CFAP299: variants seen among roughly 807,000 people sequenced by gnomAD.
The protein encoded by CFAP299 is cilia and flagella associated protein 299.
CFAP299 carries 21 observed loss-of-function variants against 27.0 expected under a neutral mutation model. The observed-to-expected ratio is 0.78, with a 90% CI of 0.55 to 1.12. The LOEUF is 1.12. Ranked by LOEUF, CFAP299 falls within the 50% of genes most tolerant of loss-of-function variation. The pLI, the probability that CFAP299 is intolerant of heterozygous loss-of-function variation, is 0.00. For missense variants in CFAP299, 310 were observed against 276.6 expected, an observed-to-expected ratio of 1.12 and a Z score of -0.86; for synonymous variants, 104 against 98.1, an observed-to-expected ratio of 1.06 and a Z score of -0.36.
intron 3 of CFAP299, among the ~76,000 whole-genome samples, chr4:80,679,351 T>G (rs1719683223): frequency 3.3e-5 from 5 of 152,046 alleles, no homozygotes; most frequent in Admixed American, 3.3e-4. Flanking sequence ...TTTGTTTTGT[T>G]TTTTGCTATT....
Position 80,362,520 on chromosome 4 carries a change from T to TC in CFAP299, c.112-234_112-233insC, listed in dbSNP as rs201387299. 3.1e-3 allele frequency among the ~76,000 whole-genome samples: 476 copies of TC among 151,876 alleles called. 5 individuals are homozygous for TC. The highest frequency in any genetic ancestry group is 0.011 in the African/African-American group (458 of 41,412). On this transcript the variant is annotated intron_variant, in intron 1 of 5. Coordinates refer to ENST00000358105, the MANE Select transcript of CFAP299 (RefSeq NM_152770.3). Reference sequence around the variant, plus strand: ...AGAGAAAAATTAGCAATTGACATTTTTTTTTCATCTTAAATATATGGGAAA... The same window carrying TC: ...AGAGAAAAATTAGCAATTGACATTTTCTTTTTCATCTTAAATATATGGGAAA...
At chr4:80,448,179 T>C (rs1728736120) in intron 2 of CFAP299, among the ~76,000 whole-genome samples, 1 of 152,232 alleles carries the variant, frequency 6.6e-6, no homozygotes, top group African/African-American at 2.4e-5. Context: ...GGGCAACCTC[T>C]TTATTCACCT....
chr4:80,946,406 A>G lies in CFAP299; in HGVS notation c.606+1467A>G, dbSNP rs527544421. Among the ~76,000 whole-genome samples the G allele has an allele frequency of 3.9e-5, 6 of 152,310 alleles. No homozygotes were observed. The South Asian group carries it at 1.2e-3, about 32-fold the overall frequency. ...AATGCCTGGATGGGGTTGAGAGGGT[A>G]CAAAGAACATTCCCCTGATGCCTTT... On this transcript the variant is annotated intron_variant, in intron 5 of 5. Coordinates refer to ENST00000358105, the MANE Select transcript of CFAP299 (RefSeq NM_152770.3).
intron 4 of CFAP299, among the ~76,000 whole-genome samples, chr4:80,903,233 G>T (rs1282422944): frequency 6.6e-6 from 1 of 152,022 alleles, no homozygotes; most frequent in Non-Finnish European, 1.5e-5. Context: ...CTGGAAATGA[G>T]CTGTTGTTCT....
chr4:80,582,968 T>G, intron 2 of CFAP299, 125 bp from the exon 3 acceptor site: 1 of 510,878 alleles, frequency 2.0e-6, no homozygotes, highest in Non-Finnish European at 3.5e-6. Context: ...TAGATCATGA[T>G]TTTATTTATA....
At chr4:80,553,361 A>T (rs75667935) in intron 2 of CFAP299, among the ~76,000 whole-genome samples, 1 of 152,212 alleles carries the variant, frequency 6.6e-6, no homozygotes, top group Non-Finnish European at 1.5e-5. Context: ...TCCTGGGTGT[A>T]TAGGTACCAA....
intron 2 of CFAP299, among the ~76,000 whole-genome samples, chr4:80,527,876 C>T (rs13111397): frequency 0.1 from 15,699 of 152,050 alleles, 955 homozygotes; most frequent in Middle Eastern, 0.2. Context: ...TAGTCTCCTC[C>T]GACCTTGATG....
intron 2 of CFAP299, among the ~76,000 whole-genome samples, chr4:80,492,154 C>T (rs1421100751): frequency 1.3e-5 from 2 of 152,088 alleles, no homozygotes; most frequent in African/African-American, 2.4e-5. Flanking sequence ...TGAGTTGTTC[C>T]ACCTTTCTGG....
At chr4:80,335,641 C>T (rs1722092033), upstream of CFAP299, 2 of 685,730 alleles carry the variant, frequency 2.9e-6, no homozygotes, top group Admixed American at 2.3e-5. Flanking sequence ...AACAAACCGC[C>T]GGGGGGTGGG....
chr4:80,451,401 C>T (rs776633457), intron 2 of CFAP299, among the ~76,000 whole-genome samples: 1 of 152,196 alleles, frequency 6.6e-6, no homozygotes, highest in Non-Finnish European at 1.5e-5. Flanking sequence ...AGGACATCAA[C>T]AAACACATGA....
At chr4:80,387,235 GT>G in intron 2 of CFAP299, 6 of 1,527,088 alleles carry the variant, frequency 3.9e-6, no homozygotes, top group Admixed American at 1.7e-5. Context: ...GTAAGTCCTT[GT>G]TGCAGAAGTG....
At chr4:80,378,615 A>G (rs914800395) in intron 2 of CFAP299, among the ~76,000 whole-genome samples, 9 of 152,068 alleles carry the variant, frequency 5.9e-5, no homozygotes, top group African/African-American at 1.2e-4. Flanking sequence ...AGTATTTGAC[A>G]TGAATGGATA....
chr4:80,774,515 G>A (rs1726411211), intron 3 of CFAP299, among the ~76,000 whole-genome samples: 1 of 151,520 alleles, frequency 6.6e-6, no homozygotes, highest in South Asian at 2.1e-4. Flanking sequence ...ACGATTCTTT[G>A]GACAAAGACC....
chr4:80,786,914 T>G (rs1727278146), intron 3 of CFAP299, among the ~76,000 whole-genome samples: 1 of 152,094 alleles, frequency 6.6e-6, no homozygotes, highest in Non-Finnish European at 1.5e-5. Flanking sequence ...ACTTTAAATG[T>G]AATCATTCCC....
chr4:80,535,306 G>A (rs956370747), intron 2 of CFAP299, among the ~76,000 whole-genome samples: 1 of 151,828 alleles, frequency 6.6e-6, no homozygotes, highest in African/African-American at 2.4e-5. Flanking sequence ...TTCCCAATGG[G>A]AAAAATATTT....
intron 3 of CFAP299, among the ~76,000 whole-genome samples, chr4:80,658,702 C>G (rs982999096): frequency 1.6e-4 from 25 of 152,096 alleles, no homozygotes; most frequent in African/African-American, 5.8e-4. Flanking sequence ...ATTTCATCCT[C>G]TCTCAGATAG....
chr4:80,432,533 A>ATT (rs58017511), intron 2 of CFAP299, among the ~76,000 whole-genome samples: 78,799 of 120,890 alleles, frequency 0.65, 28,662 homozygotes, highest in Non-Finnish European at 0.75. Context: ...TTTACACTCT[A>ATT]TTTTTTTTTT....
At chr4:80,432,792 G>A (rs1200036541) in intron 2 of CFAP299, among the ~76,000 whole-genome samples, 1 of 151,908 alleles carries the variant, frequency 6.6e-6, no homozygotes, top group Admixed American at 6.6e-5. Context: ...AAAGTGCTGG[G>A]ATTACAGGTG....
intron 2 of CFAP299, among the ~76,000 whole-genome samples, chr4:80,543,421 TATAAG>T (rs927624221): frequency 6.6e-6 from 1 of 152,142 alleles, no homozygotes; most frequent in African/African-American, 2.4e-5. Context: ...TCCATTAAGA[TATAAG>T]AGGAGGTTGA....
Sources: gnomAD v4.1 joint callset for allele counts (sites outside exome capture counted in the v4.1 genomes callset) on GRCh38, gnomAD v4.1.1 for gene constraint, MANE v1.5 for transcripts, NCBI Gene and HGNC (gene_info 2026-07-23, HGNC 2026-07-21) for gene names.